Variants in CNBD1 observed in about 807,000 individuals in gnomAD.
The protein encoded by CNBD1 is cyclic nucleotide-binding domain-containing protein 1.
A neutral mutation model predicts 54.4 loss-of-function variants in CNBD1; 71 were observed. That is an observed-to-expected ratio of 1.30 (90% confidence interval 1.08 to 1.59). CNBD1 has a LOEUF of 1.59. Ranked by LOEUF, CNBD1 falls within the 40% of genes most tolerant of loss-of-function variation. The pLI is 0.00. For missense variants in CNBD1, 659 were observed against 518.0 expected (o/e 1.27, Z -2.64); for synonymous variants, 182 against 170.7 (o/e 1.07, Z -0.51).
chr8:87,418,006 T>G (rs1807864138), intron 2 of CNBD1, among the ~76,000 whole-genome samples: 1 of 151,944 alleles, frequency 6.6e-6, no homozygotes, highest in African/African-American at 2.4e-5. Context: ...TTGCCATAAT[T>G]CCTATTAAAA....
At chr8:87,125,577 T>C (rs1811974952) in intron 4 of CNBD1, among the ~76,000 whole-genome samples, 1 of 151,892 alleles carries the variant, frequency 6.6e-6, no homozygotes, top group Non-Finnish European at 1.5e-5. Flanking sequence ...AAAAATGTTA[T>C]TCACAAATTT....
intron 4 of CNBD1, among the ~76,000 whole-genome samples, chr8:86,962,149 C>A (rs1472376221): frequency 6.6e-6 from 1 of 152,050 alleles, no homozygotes. Context: ...TTTGTTTTCC[C>A]AAGAAGTCCC....
intron 2 of CNBD1, among the ~76,000 whole-genome samples, chr8:87,409,023 T>C (rs1807696836): frequency 6.6e-6 from 1 of 152,106 alleles, no homozygotes; most frequent in African/African-American, 2.4e-5. Context: ...CTCTTAAGTT[T>C]TCAAGTGAAA....
intron 6 of CNBD1, among the ~76,000 whole-genome samples, chr8:87,256,513 T>C (rs1190279101): frequency 1.3e-5 from 2 of 152,026 alleles, no homozygotes; most frequent in East Asian, 1.9e-4. Context: ...TGAAGACTGA[T>C]ACAGATGAAG....
intron 2 of CNBD1, among the ~76,000 whole-genome samples, chr8:86,903,313 T>G (rs1229176178): frequency 6.6e-6 from 1 of 152,120 alleles, no homozygotes; most frequent in Non-Finnish European, 1.5e-5. Flanking sequence ...TGGGTAAAAG[T>G]CTTAGTATTT....
chr8:87,174,543 G>C (rs1035190323), intron 4 of CNBD1, among the ~76,000 whole-genome samples: 1 of 152,052 alleles, frequency 6.6e-6, no homozygotes, highest in Non-Finnish European at 1.5e-5. Context: ...TTGTCTGAAA[G>C]GTCACATATC....
At chr8:87,241,031 T>C (rs1309019191) in intron 6 of CNBD1, among the ~76,000 whole-genome samples, 1 of 152,096 alleles carries the variant, frequency 6.6e-6, no homozygotes, top group African/African-American at 2.4e-5. Flanking sequence ...TGCTGTGTCC[T>C]CACTCTGAGC....
intron 4 of CNBD1, among the ~76,000 whole-genome samples, chr8:87,025,860 G>A (rs542984555): frequency 2.0e-5 from 3 of 152,266 alleles, no homozygotes; most frequent in Non-Finnish European, 2.9e-5. Context: ...TGAAGTCAGC[G>A]AGACCAAGAA....
At chr8:87,380,942 T>C (rs1425945230) in intron 10 of CNBD1, among the ~76,000 whole-genome samples, 1 of 152,036 alleles carries the variant, frequency 6.6e-6, no homozygotes, top group Non-Finnish European at 1.5e-5. Flanking sequence ...GTTAAACTCT[T>C]AGAAGAATAC....
At chr8:87,352,394 C>T (rs551434871) in intron 9 of CNBD1, among the ~76,000 whole-genome samples, 12 of 148,448 alleles carry the variant, frequency 8.1e-5, no homozygotes, top group South Asian at 2.1e-4. Flanking sequence ...GCAGAAGAAT[C>T]GCTTGAACCT....
chr8:87,154,339 G>A (rs1812670149), intron 4 of CNBD1, among the ~76,000 whole-genome samples: 1 of 152,186 alleles, frequency 6.6e-6, no homozygotes, highest in African/African-American at 2.4e-5. Context: ...AGACTTAAGA[G>A]GTGATTCTTG....
chr8:87,178,106 A>G (rs888584960), intron 4 of CNBD1, among the ~76,000 whole-genome samples: 12 of 152,186 alleles, frequency 7.9e-5, no homozygotes, highest in Non-Finnish European at 1.5e-4. Context: ...ATAAAAATCT[A>G]TTGAGCACGT....
At chr8:87,032,039 G>A (rs577780228) in intron 4 of CNBD1, among the ~76,000 whole-genome samples, 8 of 152,300 alleles carry the variant, frequency 5.3e-5, no homozygotes, top group African/African-American at 1.4e-4. Context: ...ACAGTGCCCA[G>A]CCTAACCCTT....
chr8:87,416,053 A>T (rs1284151922), intron 2 of CNBD1, among the ~76,000 whole-genome samples: 1 of 151,902 alleles, frequency 6.6e-6, no homozygotes, highest in Non-Finnish European at 1.5e-5. Context: ...GCTTTACTAT[A>T]AATAAGTTGG....
intron 4 of CNBD1, among the ~76,000 whole-genome samples, chr8:87,188,590 G>T (rs1215595465): frequency 6.6e-6 from 1 of 151,680 alleles, no homozygotes; most frequent in Admixed American, 6.6e-5. Flanking sequence ...ATTAGGTGTG[G>T]TAGCAGGTGC....
At chr8:87,119,471 G>A (rs1391487362) in intron 4 of CNBD1, among the ~76,000 whole-genome samples, 2 of 152,116 alleles carry the variant, frequency 1.3e-5, no homozygotes, top group Middle Eastern at 3.4e-3. Flanking sequence ...AAACCTAGGA[G>A]TCTTTTTGGT....
At chr8:87,005,776 G>T (rs1226521201) in intron 4 of CNBD1, among the ~76,000 whole-genome samples, 2 of 152,026 alleles carry the variant, frequency 1.3e-5, no homozygotes, top group Non-Finnish European at 2.9e-5. Flanking sequence ...AAGGACTAAA[G>T]GTCATTAGGG....
At chr8:86,998,208 T>TA (rs1808917865) in intron 4 of CNBD1, among the ~76,000 whole-genome samples, 1 of 149,438 alleles carries the variant, frequency 6.7e-6, no homozygotes, top group Non-Finnish European at 1.5e-5. Context: ...TGTGTGTTTC[T>TA]GTTTTTTTTT....
rs1319225300 is a variant in CNBD1, at chr8:87,236,998, A to C, written c.657A>C (p.Glu219Asp). Residue 219 changes from glutamate (E) to aspartate (D), a missense_variant, in exon 6 of 11, where the codon GAA (glutamate) becomes GAC (aspartate). By Grantham distance (45) the Glu-to-Asp change is conservative. Transcript: ENST00000518476. The part of the protein sequence containing the change: ...PQTNVYKNLI[E>D]GSDSPDSFIS... ...CAAACGTGTATAAAAATCTGATTGAAGGAAGTGATTCACCAGACTCGTTCA... is the reference window on the plus strand; with the variant it reads ...CAAACGTGTATAAAAATCTGATTGACGGAAGTGATTCACCAGACTCGTTCA... 1 of 1,612,354 alleles carries C rather than the reference A, an allele frequency of 6.2e-7. No homozygotes were observed. Among genetic ancestry groups the C allele is most frequent in the South Asian group, 1.1e-5 (1 of 90,992 alleles).
Sources: allele counts gnomAD v4.1 joint callset (sites outside exome capture counted in the v4.1 genomes callset), GRCh38; gene constraint gnomAD v4.1.1; transcripts MANE v1.5; gene names NCBI Gene and HGNC (gene_info 2026-07-23, HGNC 2026-07-21).